Variants in ARMH3 observed in about 807,000 individuals in gnomAD.
The protein encoded by ARMH3 is armadillo-like helical domain-containing protein 3.
Under a neutral mutation model 99.1 loss-of-function variants are expected in ARMH3, and 60 were observed. The ratio of observed to expected loss-of-function variants is 0.61; its 90% CI spans 0.49 to 0.75. ARMH3 has a LOEUF of 0.75. ARMH3 is among the 30% of genes least tolerant of loss of function. ARMH3 has a pLI of 0.00. For synonymous variants in ARMH3, 285 were observed against 292.8 expected (o/e 0.97, Z 0.27); for missense variants, 679 against 843.1 (o/e 0.81, Z 2.41).
chr10:101,968,904 A>T (rs930871888), intron 20 of ARMH3, among the ~76,000 whole-genome samples: 1 of 152,178 alleles, frequency 6.6e-6, no homozygotes, highest in Non-Finnish European at 1.5e-5. Flanking sequence ...AATGCCCCTG[A>T]ATTAGAACAT....
intron 20 of ARMH3, among the ~76,000 whole-genome samples, chr10:101,959,408 G>T (rs776299513): frequency 5.6e-4 from 86 of 152,296 alleles, no homozygotes; most frequent in Non-Finnish European, 9.3e-4. Context: ...AAATCATAGA[G>T]GCGAGAGAAA....
chr10:101,953,652 C>T (rs1295934949), intron 22 of ARMH3, among the ~76,000 whole-genome samples: 2 of 150,392 alleles, frequency 1.3e-5, no homozygotes, highest in Admixed American at 6.6e-5. Flanking sequence ...TCATTATTCA[C>T]GCAAAGTTAA....
intron 24 of ARMH3, among the ~76,000 whole-genome samples, chr10:101,864,804 A>G (rs751143054): frequency 3.3e-5 from 5 of 152,062 alleles, no homozygotes; most frequent in Non-Finnish European, 5.9e-5. Context: ...ATGACGAGTT[A>G]ATGGGTGCAG....
At chr10:102,022,478 C>G (rs1176200676) in intron 8 of ARMH3, among the ~76,000 whole-genome samples, 8 of 115,766 alleles carry the variant, frequency 6.9e-5, no homozygotes, top group Non-Finnish European at 8.5e-5. Context: ...GGCGACAGAG[C>G]GAGACTCTGA....
rs1038462226 is a variant in ARMH3, at chr10:101,845,730, A to G, written c.*1798T>C. 1 of 152,230 alleles carries G rather than the reference A, an allele frequency of 6.6e-6. No individual in the cohort carries two copies. Among genetic ancestry groups the G allele is most frequent in the East Asian group, 1.9e-4 (1 of 5,196 alleles). The allele number at this position is 152,230 out of a possible 1,614,324, so 9.4% of individuals were successfully genotyped here. On this transcript the variant is annotated 3_prime_UTR_variant, in exon 26 of 26. Transcript: ENST00000370033. ...GAGCTATCCATCCAGTGATCAGATG[A>G]CCCAGCCTGTGATCTCTTAAGAACC...
intron 8 of ARMH3, among the ~76,000 whole-genome samples, chr10:102,017,435 C>T (rs941521241): frequency 5.3e-5 from 8 of 152,190 alleles, no homozygotes; most frequent in Non-Finnish European, 1.2e-4. Flanking sequence ...ATATTTCAGA[C>T]TGACATTTCA....
intron 24 of ARMH3, among the ~76,000 whole-genome samples, chr10:101,885,307 G>A (rs2067514041): frequency 6.6e-6 from 1 of 152,020 alleles, no homozygotes; most frequent in Non-Finnish European, 1.5e-5. Context: ...TTGAAAGCAG[G>A]GACTCCAACA....
At position 101,946,071 on chromosome 10, in the gene ARMH3, C is replaced by CAA. The variant is rs569179050; in HGVS notation, c.1706-6135_1706-6134dup. ...TGGGCGACAGAGTAAGACTCTGCCTCAAAAAAAAAAAAAAAAAAAAAAAAA... is the reference window on the plus strand; with the variant it reads ...TGGGCGACAGAGTAAGACTCTGCCTCAAAAAAAAAAAAAAAAAAAAAAAAAAA... On this transcript the variant is annotated intron_variant, in intron 22 of 25. Transcript: ENST00000370033. Among the ~76,000 whole-genome samples the CAA allele has an allele frequency of 5.6e-3, 192 of 34,486 alleles. 14 individuals carry two copies. Among genetic ancestry groups the CAA allele is most frequent in the South Asian group, 6.4e-3 (4 of 626 alleles). The allele number at this position is 34,486 out of a possible 152,430, so 22.6% of individuals were successfully genotyped here.
intron 23 of ARMH3, among the ~76,000 whole-genome samples, chr10:101,917,094 T>A (rs548604407): frequency 5.3e-5 from 8 of 152,232 alleles, no homozygotes; most frequent in Non-Finnish European, 1.2e-4. Context: ...TCCTCTTGTA[T>A]AACTATGTAT....
chr10:101,914,791 G>A (rs1450656420), intron 23 of ARMH3, among the ~76,000 whole-genome samples: 1 of 145,240 alleles, frequency 6.9e-6, no homozygotes, highest in Non-Finnish European at 1.5e-5. Context: ...GCTTGAACCT[G>A]CGAGGTGGAG....
At chr10:102,006,825 AC>A (rs148893048) in intron 13 of ARMH3, among the ~76,000 whole-genome samples, 192 bp from the exon 14 acceptor site, 17 of 151,958 alleles carry the variant, frequency 1.1e-4, no homozygotes, top group African/African-American at 4.1e-4. Flanking sequence ...CCTCCTGTGT[AC>A]GTAGGACTAC....
rs532583016 is a variant in ARMH3 at position 101,967,667 on chromosome 10, G to A, written c.1495+7545C>T. Among the ~76,000 whole-genome samples the A allele has an allele frequency of 1.1e-4, 16 of 152,286 alleles. 1 individual carries two copies. In the South Asian group the frequency reaches 2.9e-3, roughly 28 times the overall value. ...CAGGAGAATTGCTTGAACCAGGGAG[G>A]CAGAGGTTACGGTGAGCTGGGATCG... On this transcript the variant is annotated intron_variant, in intron 20 of 25. Coordinates refer to ENST00000370033, the MANE Select transcript of ARMH3 (RefSeq NM_024541.3).
At chr10:101,932,982 C>T (rs1017673825) in intron 23 of ARMH3, among the ~76,000 whole-genome samples, 3 of 152,130 alleles carry the variant, frequency 2.0e-5, no homozygotes, top group Admixed American at 6.5e-5. Flanking sequence ...GTCAGGAGAT[C>T]GAGACCATCC....
chr10:101,864,335 C>T (rs893404639), intron 24 of ARMH3, among the ~76,000 whole-genome samples: 10 of 152,204 alleles, frequency 6.6e-5, no homozygotes, highest in East Asian at 1.9e-4. Flanking sequence ...GACAGTGTGG[C>T]GATTCCCTAA....
At chr10:101,884,387 C>A in intron 24 of ARMH3, among the ~76,000 whole-genome samples, 1 of 152,080 alleles carries the variant, frequency 6.6e-6, no homozygotes, top group Non-Finnish European at 1.5e-5. Flanking sequence ...TACTAAAAAG[C>A]CACACTGGAG....
intron 20 of ARMH3, among the ~76,000 whole-genome samples, chr10:101,964,250 T>C (rs1845440007): frequency 6.6e-6 from 1 of 152,156 alleles, no homozygotes; most frequent in East Asian, 1.9e-4. Context: ...CCTCAAGTGA[T>C]CTGCCCGCCT....
intron 23 of ARMH3, among the ~76,000 whole-genome samples, chr10:101,911,483 T>C (rs1455550209): frequency 6.6e-6 from 1 of 152,164 alleles, no homozygotes; most frequent in Non-Finnish European, 1.5e-5. Context: ...GTACCTGTAA[T>C]CCCAGCTGCT....
intron 9 of ARMH3, 124 bp downstream of exon 9, chr10:102,013,844 C>A: frequency 6.7e-6 from 5 of 746,154 alleles, no homozygotes; most frequent in South Asian, 4.5e-5. Flanking sequence ...TATTAATTCC[C>A]TCTCTATAAC....
intron 24 of ARMH3, among the ~76,000 whole-genome samples, chr10:101,884,246 C>A (rs1290109406): frequency 1.3e-5 from 2 of 152,134 alleles, no homozygotes; most frequent in Non-Finnish European, 2.9e-5. Context: ...TGTCAGAAAC[C>A]ACTTAAGCTG....
Sources: allele counts gnomAD v4.1 joint callset (sites outside exome capture counted in the v4.1 genomes callset), GRCh38; gene constraint gnomAD v4.1.1; transcripts MANE v1.5; gene names NCBI Gene and HGNC (gene_info 2026-07-23, HGNC 2026-07-21).